The following WDPCP variants were observed in gnomAD, a reference collection of about 807,000 sequenced individuals.
WDPCP encodes WD repeat containing planar cell polarity effector, also known as WD repeat-containing and planar cell polarity effector protein fritz homolog.
A neutral mutation model predicts 93.1 loss-of-function variants in WDPCP; 71 were observed. That is an observed-to-expected ratio of 0.76 (90% confidence interval 0.63 to 0.93). The LOEUF (loss-of-function observed/expected upper bound fraction) is 0.93. Among genes scored for constraint, WDPCP ranks in the 40% least tolerant of loss-of-function variants. The pLI is 0.00. For synonymous variants in WDPCP, 315 were observed against 315.0 expected (o/e 1.00, Z 0.00); for missense variants, 844 against 887.4 (o/e 0.95, Z 0.62).
At chr2:63,370,991 TTTC>T (rs1258010304) in intron 12 of WDPCP, among the ~76,000 whole-genome samples, 1 of 152,164 alleles carries the variant, frequency 6.6e-6, no homozygotes, top group African/African-American at 2.4e-5. Flanking sequence ...ATTTTGAGTC[TTTC>T]TTCTTTTCCA....
intron 14 of WDPCP, among the ~76,000 whole-genome samples, chr2:63,222,985 A>G (rs1266439190): frequency 6.6e-6 from 1 of 152,150 alleles, no homozygotes; most frequent in African/African-American, 2.4e-5. Context: ...TTGATATAAA[A>G]CATAAGAAAA....
intron 1 of WDPCP, among the ~76,000 whole-genome samples, chr2:63,570,441 C>T (rs1707399008): frequency 6.6e-6 from 1 of 152,188 alleles, no homozygotes; most frequent in Non-Finnish European, 1.5e-5. Flanking sequence ...AGCTTTCCTA[C>T]TCTAGGCTGT....
chr2:63,367,545 G>T (rs1388394302), intron 12 of WDPCP, among the ~76,000 whole-genome samples: 2 of 152,094 alleles, frequency 1.3e-5, no homozygotes, highest in Admixed American at 6.6e-5. Flanking sequence ...ATAGTAGCAA[G>T]ACACTGGAAA....
At chr2:63,793,768 AG>A (rs892945842) in intron 2 of WDPCP, among the ~76,000 whole-genome samples, 2 of 151,460 alleles carry the variant, frequency 1.3e-5, no homozygotes, top group African/African-American at 4.8e-5. Context: ...TTCCGGGACC[AG>A]GGTAAACCTA....
At chr2:63,588,579 A>G (rs1176828545), upstream of WDPCP, 2 of 542,868 alleles carry the variant, frequency 3.7e-6, no homozygotes, top group Non-Finnish European at 6.6e-6. Flanking sequence ...TCCCACGTTT[A>G]CCCTCATGGG....
intron 1 of WDPCP, among the ~76,000 whole-genome samples, chr2:63,550,779 G>A (rs1705568534): frequency 1.1e-5 from 1 of 91,670 alleles, no homozygotes; most frequent in African/African-American, 5.3e-5. Context: ...ATGTGCATAT[G>A]TACATATATA....
At chr2:63,253,863 G>A (rs184461438) in intron 14 of WDPCP, among the ~76,000 whole-genome samples, 465 of 152,130 alleles carry the variant, frequency 3.1e-3, no homozygotes, top group South Asian at 7.7e-3. Flanking sequence ...CATTCAACCC[G>A]TTGATCCCAT....
chr2:63,144,856 G>C (rs10197014), intron 17 of WDPCP, among the ~76,000 whole-genome samples: 183 of 152,266 alleles, frequency 1.2e-3, no homozygotes, highest in African/African-American at 4.2e-3. Context: ...ACCAGGGTTT[G>C]TTTTCTGGTT....
At chr2:63,148,907 A>T (rs545513230) in intron 17 of WDPCP, among the ~76,000 whole-genome samples, 1 of 152,060 alleles carries the variant, frequency 6.6e-6, no homozygotes, top group African/African-American at 2.4e-5. Context: ...ACCCCAATGG[A>T]TTAAAGACAA....
At chr2:63,423,667 G>A (rs749485304) in intron 9 of WDPCP, among the ~76,000 whole-genome samples, 59 of 152,058 alleles carry the variant, frequency 3.9e-4, no homozygotes, top group Non-Finnish European at 7.1e-4. Flanking sequence ...GATACTAAAG[G>A]GCAGAATAAG....
intron 2 of WDPCP, among the ~76,000 whole-genome samples, chr2:63,769,519 T>C (rs925903629): frequency 7.9e-5 from 12 of 151,988 alleles, no homozygotes; most frequent in African/African-American, 2.4e-4. Flanking sequence ...TTCTGGACCA[T>C]AGAAGAGATT....
intron 1 of WDPCP, among the ~76,000 whole-genome samples, chr2:63,577,230 A>G (rs1006133528): frequency 6.6e-6 from 1 of 152,190 alleles, no homozygotes; most frequent in Non-Finnish European, 1.5e-5. Flanking sequence ...GTAAGTCTAT[A>G]TCCCTTCCCA....
At chr2:63,554,832 T>A (rs1705957112) in intron 1 of WDPCP, among the ~76,000 whole-genome samples, 2 of 152,042 alleles carry the variant, frequency 1.3e-5, no homozygotes, top group African/African-American at 2.4e-5. Flanking sequence ...GTGAGACCCA[T>A]GGAGACTGAG....
intron 10 of WDPCP, 109 bp downstream of exon 10, chr2:63,403,939 A>G (rs566775377): frequency 1.4e-6 from 2 of 1,469,536 alleles, no homozygotes; most frequent in Admixed American, 3.7e-5. Flanking sequence ...AAACATATTT[A>G]TGGGATGATA....
At chr2:63,454,176 T>C (rs1698468748) in intron 6 of WDPCP, among the ~76,000 whole-genome samples, 1 of 150,980 alleles carries the variant, frequency 6.6e-6, no homozygotes, top group South Asian at 2.1e-4. Flanking sequence ...TATGCAGCCA[T>C]AAAAAAGGAG....
chr2:63,465,835 C>G (rs2105784908), intron 6 of WDPCP, among the ~76,000 whole-genome samples: 1 of 152,256 alleles, frequency 6.6e-6, no homozygotes, highest in African/African-American at 2.4e-5. Context: ...CTTCAAATAG[C>G]TATGACAACC....
At chr2:63,630,154 G>A (rs113028311) in intron 3 of WDPCP, among the ~76,000 whole-genome samples, 5 of 152,098 alleles carry the variant, frequency 3.3e-5, no homozygotes, top group African/African-American at 1.2e-4. Context: ...TCAAAAAACT[G>A]TATCTAAATA....
At chr2:63,467,236 T>G (rs1699396977) in intron 6 of WDPCP, among the ~76,000 whole-genome samples, 2 of 152,152 alleles carry the variant, frequency 1.3e-5, no homozygotes, top group Non-Finnish European at 2.9e-5. Flanking sequence ...TCCCAGCACT[T>G]TGGGAGGCCA....
rs528402153 is a variant in WDPCP, at chr2:63,439,883, T to C, written c.385-12A>G. ...GAACCAAAAAGGAGCTAAAACCAGG[T>C]AAGTGGGGGAGAGAGGGAGGAAGAC... On this transcript the variant is annotated splice_polypyrimidine_tract_variant and intron_variant, in intron 6 of 17. Coordinates refer to ENST00000272321, the MANE Select transcript of WDPCP (RefSeq NM_015910.7). 1.8e-4 allele frequency: 292 copies of C among 1,603,232 alleles called. No homozygotes were observed. The highest frequency in any genetic ancestry group is 2.4e-4 in the Non-Finnish European group (276 of 1,170,544).
Sources: allele counts gnomAD v4.1 joint callset (sites outside exome capture counted in the v4.1 genomes callset), GRCh38; gene constraint gnomAD v4.1.1; transcripts MANE v1.5; gene names NCBI Gene and HGNC (gene_info 2026-07-23, HGNC 2026-07-21).